The following ACBD6 variants were observed in gnomAD, a reference collection of about 807,000 sequenced individuals.
ACBD6 encodes acyl-CoA binding domain containing 6, also known as acyl-CoA-binding domain-containing protein 6.
A neutral mutation model predicts 37.2 loss-of-function variants in ACBD6; 28 were observed. That is an observed-to-expected ratio of 0.75 (90% CI 0.56 to 1.03). The LOEUF is 1.03. Among genes scored for constraint, ACBD6 ranks in the 50% least tolerant of loss-of-function variants. The probability of loss-of-function intolerance (pLI) is 0.00; values close to 1 mark genes in which losing one functional copy is unlikely to be tolerated. For missense variants in ACBD6, 340 were observed against 337.4 expected, an observed-to-expected ratio of 1.01 and a Z score of -0.06; for synonymous variants, 113 against 126.8, an observed-to-expected ratio of 0.89 and a Z score of 0.73.
chr1:180,486,571 T>C (rs1365850322), intron 3 of ACBD6, among the ~76,000 whole-genome samples: 1 of 152,202 alleles, frequency 6.6e-6, no homozygotes, highest in Non-Finnish European at 1.5e-5. Flanking sequence ...GGAAAGTCCA[T>C]CCTTACAGTG....
intron 5 of ACBD6, among the ~76,000 whole-genome samples, chr1:180,412,930 A>C (rs1479951639): frequency 6.6e-6 from 1 of 152,176 alleles, no homozygotes; most frequent in Non-Finnish European, 1.5e-5. Flanking sequence ...TTTAATTAGT[A>C]GGCCAGCATT....
chr1:180,308,515 C>T (rs758185619), intron 7 of ACBD6, among the ~76,000 whole-genome samples: 1 of 152,124 alleles, frequency 6.6e-6, no homozygotes, highest in Non-Finnish European at 1.5e-5. Flanking sequence ...TAAATGTGAA[C>T]CCGAAACTTA....
intron 6 of ACBD6, among the ~76,000 whole-genome samples, chr1:180,337,592 A>C (rs1477847700): frequency 6.6e-6 from 1 of 152,252 alleles, no homozygotes. Flanking sequence ...GAAAATGGGC[A>C]CAAGACAGGG....
intron 6 of ACBD6, among the ~76,000 whole-genome samples, chr1:180,337,944 G>A (rs1310244257): frequency 1.3e-5 from 2 of 152,098 alleles, no homozygotes; most frequent in African/African-American, 2.4e-5. Context: ...AACTTACAAG[G>A]GATGTGAAGG....
At chr1:180,441,303 C>A (rs1649271361) in intron 3 of ACBD6, among the ~76,000 whole-genome samples, 1 of 152,146 alleles carries the variant, frequency 6.6e-6, no homozygotes, top group Non-Finnish European at 1.5e-5. Flanking sequence ...ACTCTCAATT[C>A]TTTTCCATAT....
intron 6 of ACBD6, among the ~76,000 whole-genome samples, chr1:180,374,619 C>A (rs1197882358): frequency 2.0e-5 from 3 of 152,178 alleles, no homozygotes; most frequent in Middle Eastern, 3.4e-3. Flanking sequence ...TAAAGTAATT[C>A]TTTAGAAAAT....
intron 3 of ACBD6, among the ~76,000 whole-genome samples, chr1:180,440,329 G>T (rs369276258): frequency 6.6e-6 from 1 of 151,996 alleles, no homozygotes; most frequent in African/African-American, 2.4e-5. Context: ...GCCTGGTCTC[G>T]AACTCCTGAC....
At chr1:180,453,381 T>C (rs1649790452) in intron 3 of ACBD6, among the ~76,000 whole-genome samples, 1 of 152,192 alleles carries the variant, frequency 6.6e-6, no homozygotes, top group African/African-American at 2.4e-5. Flanking sequence ...AAACTAGGTA[T>C]TGATGGAATG....
intron 3 of ACBD6, among the ~76,000 whole-genome samples, chr1:180,467,466 A>AC (rs1255379230): frequency 2.0e-5 from 3 of 149,986 alleles, no homozygotes; most frequent in African/African-American, 4.9e-5. Context: ...AAAAAAAAAA[A>AC]AAAAAACAAA....
chr1:180,274,466 G>C, intron 10 of ACBD6: 1 of 1,614,120 alleles, frequency 6.2e-7, no homozygotes. Flanking sequence ...GACGCTGAGA[G>C]CCATGGCTGG....
intron 3 of ACBD6, among the ~76,000 whole-genome samples, chr1:180,462,965 C>A (rs747295343): frequency 6.6e-5 from 10 of 152,120 alleles, no homozygotes; most frequent in Admixed American, 1.3e-4. Flanking sequence ...AAATACCTTG[C>A]TCCTGAATAA....
intron 4 of ACBD6, among the ~76,000 whole-genome samples, chr1:180,422,212 T>TG (rs1181986988): frequency 1.5e-5 from 2 of 133,416 alleles, no homozygotes; most frequent in African/African-American, 6.9e-5. Flanking sequence ...TTCTTTTTTC[T>TG]TTTTTTTTTT....
Position 180,495,442 on chromosome 1 carries a change from G to A in ACBD6, c.287+19C>T, listed in dbSNP as rs756121124. The stretch of plus-strand genomic sequence containing the variant: ...AGCCATTTCCAACAACCTCATTAAA[G>A]ATTCCAGGAATTTCTTACCATTTTT... On this transcript the variant is annotated intron_variant, in intron 2 of 7. Transcript: ENST00000367595. 4 of 1,573,686 alleles carry A rather than the reference G, an allele frequency of 2.5e-6. No homozygotes were observed. The highest frequency in any genetic ancestry group is 3.5e-5 in the Admixed American group (2 of 56,842).
chr1:180,442,959 T>G lies in ACBD6; in HGVS notation c.385-12697A>C, dbSNP rs370819345. 2.0e-5 allele frequency among the ~76,000 whole-genome samples: 3 copies of G among 151,966 alleles called. No individual in the cohort carries two copies. The East Asian group carries it at 5.8e-4, about 29-fold the overall frequency. On this transcript the variant is annotated intron_variant, in intron 3 of 7. Transcript: ENST00000367595. ...TATCATTTCCACCATGTACTTTTATTGACAGGTTTTTCTCCTGGGTCATAT... is the reference window on the plus strand; with the variant it reads ...TATCATTTCCACCATGTACTTTTATGGACAGGTTTTTCTCCTGGGTCATAT...
chr1:180,434,961 C>T (rs879055092), intron 3 of ACBD6: 2 of 816,330 alleles, frequency 2.4e-6, no homozygotes, highest in Admixed American at 3.4e-5. Flanking sequence ...CATGGGCAGT[C>T]TGTAAACCAA....
At chr1:180,363,050 C>A (rs1399429356) in intron 6 of ACBD6, among the ~76,000 whole-genome samples, 1 of 152,164 alleles carries the variant, frequency 6.6e-6, no homozygotes, top group Non-Finnish European at 1.5e-5. Context: ...AATGTATTAA[C>A]TTATTAACAT....
intron 1 of ACBD6, 121 bp downstream of exon 1, chr1:180,501,921 AAAC>A: frequency 1.9e-5 from 18 of 959,234 alleles, no homozygotes; most frequent in Admixed American, 6.9e-5. Context: ...AAAAAAAACA[AAAC>A]AAAATACACA....
intron 6 of ACBD6, among the ~76,000 whole-genome samples, chr1:180,389,305 T>C (rs1653974715): frequency 6.6e-6 from 1 of 152,196 alleles, no homozygotes. Flanking sequence ...TCCAATTTCA[T>C]CCATGTCCCT....
intron 3 of ACBD6, among the ~76,000 whole-genome samples, chr1:180,449,980 A>G (rs893741773): frequency 1.3e-5 from 2 of 151,306 alleles, no homozygotes; most frequent in African/African-American, 4.9e-5. Flanking sequence ...AAGACAGTTG[A>G]CACACTAGAT....
Sources: gnomAD v4.1 joint callset for allele counts (sites outside exome capture counted in the v4.1 genomes callset) on GRCh38, gnomAD v4.1.1 for gene constraint, MANE v1.5 for transcripts, NCBI Gene and HGNC (gene_info 2026-07-23, HGNC 2026-07-21) for gene names.